WDR41: variants seen among roughly 807,000 people sequenced by gnomAD.
WDR41 encodes WD repeat domain 41.
WDR41 carries 63 observed loss-of-function variants against 69.3 expected under a neutral mutation model. The ratio of observed to expected loss-of-function variants is 0.91; its 90% CI spans 0.74 to 1.12. The LOEUF (loss-of-function observed/expected upper bound fraction) is 1.12. Among genes scored for constraint, WDR41 ranks in the 50% most tolerant of loss-of-function variants. WDR41 has a pLI of 0.00. For synonymous variants in WDR41, 185 were observed against 192.1 expected (o/e 0.96, Z 0.31); for missense variants, 543 against 534.5 (o/e 1.02, Z -0.16).
At chr5:77,585,189 A>G (rs1744015490) in intron 1 of WDR41, among the ~76,000 whole-genome samples, 1 of 152,240 alleles carries the variant, frequency 6.6e-6, no homozygotes, top group Non-Finnish European at 1.5e-5. Context: ...TCTCAAAAGA[A>G]GATATACAAA....
chr5:77,614,565 A>G (rs922455043), intron 1 of WDR41, among the ~76,000 whole-genome samples: 4 of 144,818 alleles, frequency 2.8e-5, no homozygotes, highest in African/African-American at 7.6e-5. Context: ...CAAACACCGC[A>G]TGTTCTCACT....
intron 1 of WDR41, among the ~76,000 whole-genome samples, chr5:77,596,147 T>C (rs1293355648): frequency 1.3e-5 from 2 of 152,170 alleles, no homozygotes; most frequent in Non-Finnish European, 1.5e-5. Flanking sequence ...AATCCTGATC[T>C]AAAATGTAGA....
intron 1 of WDR41, among the ~76,000 whole-genome samples, chr5:77,532,110 T>C (rs577985809): frequency 1.4e-4 from 22 of 152,210 alleles, no homozygotes; most frequent in African/African-American, 3.4e-4. Flanking sequence ...TTTTACATTA[T>C]GTAAATTTCA....
chr5:77,615,942 G>A (rs1038658286), intron 1 of WDR41, among the ~76,000 whole-genome samples: 14 of 151,804 alleles, frequency 9.2e-5, no homozygotes, highest in African/African-American at 2.7e-4. Context: ...GCAGTGAGGC[G>A]AGATCACACC....
intron 8 of WDR41, among the ~76,000 whole-genome samples, chr5:77,441,301 C>T (rs1225445407): frequency 6.6e-6 from 1 of 151,788 alleles, no homozygotes; most frequent in Non-Finnish European, 1.5e-5. Context: ...GTACCATACA[C>T]CAAAATAAGT....
chr5:77,458,110 C>T (rs1799905054), intron 5 of WDR41, among the ~76,000 whole-genome samples: 1 of 152,068 alleles, frequency 6.6e-6, no homozygotes, highest in African/African-American at 2.4e-5. Context: ...AAAGGCACAT[C>T]ATTTCAGGTC....
rs1798781655 is a variant in WDR41, at chr5:77,432,928, TTGTGGTATATTCTTTGGAGGATATAC to T, written c.*181_*206del. 2.1e-6 allele frequency: 1 copy of T among 477,914 alleles called. No individual in the cohort carries two copies. The highest frequency in any genetic ancestry group is 3.6e-6 in the Non-Finnish European group (1 of 277,798). 29.6% of individuals were successfully genotyped at this position (477,914 alleles called of 1,614,324 possible). A position where few individuals can be genotyped will look rare whatever the true frequency, so the allele number is the denominator to read the frequency against. The stretch of plus-strand genomic sequence containing the variant: ...GCAGCTCAAAGTCAAATGGAAAAAC[TTGTGGTATATTCTTTGGAGGATATAC>T]TAGGACCTGAGAAGCAACATGTTCC... On this transcript the variant is annotated 3_prime_UTR_variant, in exon 13 of 13. Transcript: ENST00000296679.
rs575195857 is a variant in WDR41 at position 77,476,980 on chromosome 5, T to G, written c.168-12171A>C. 2.7e-4 allele frequency among the ~76,000 whole-genome samples: 40 copies of G among 147,550 alleles called. 1 individual carries two copies. Among genetic ancestry groups the G allele is most frequent in the Non-Finnish European group, 4.9e-4 (33 of 67,582 alleles). On this transcript the variant is annotated intron_variant, in intron 2 of 12. Transcript: ENST00000296679. The stretch of plus-strand genomic sequence containing the variant: ...CTCAAAATAAAAAGATGGAGGAAGA[T>G]CTACCAAGCAAATGGAAAACAAAAA...
chr5:77,550,305 C>A (rs947830560), intron 1 of WDR41, among the ~76,000 whole-genome samples: 1 of 152,128 alleles, frequency 6.6e-6, no homozygotes, highest in African/African-American at 2.4e-5. Flanking sequence ...ATTTAATAGA[C>A]AACTTACAAA....
At chr5:77,515,465 C>T (rs1401622288) in intron 1 of WDR41, among the ~76,000 whole-genome samples, 1 of 152,120 alleles carries the variant, frequency 6.6e-6, no homozygotes, top group Non-Finnish European at 1.5e-5. Flanking sequence ...GAAGGATCAG[C>T]CTGAGGCTGT....
chr5:77,596,965 C>T (rs891453494), intron 1 of WDR41, among the ~76,000 whole-genome samples: 4 of 151,566 alleles, frequency 2.6e-5, no homozygotes, highest in African/African-American at 4.8e-5. Flanking sequence ...AAAAAAAATA[C>T]AGAAAATTTA....
At chr5:77,578,925 GATA>G (rs1240929064) in intron 1 of WDR41, among the ~76,000 whole-genome samples, 3 of 144,256 alleles carry the variant, frequency 2.1e-5, no homozygotes, top group African/African-American at 5.1e-5. Flanking sequence ...TCCTCAAATA[GATA>G]ATATCAATAA....
At chr5:77,433,437 G>T in intron 12 of WDR41, 150 bp from the exon 13 acceptor site, 1 of 531,672 alleles carries the variant, frequency 1.9e-6, no homozygotes, top group Non-Finnish European at 3.1e-6. Context: ...GTATTGGTAA[G>T]TCACATACAA....
At chr5:77,434,635 G>GCGGAGAGTACAGTGACCC (rs1341598622) in intron 12 of WDR41, among the ~76,000 whole-genome samples, 1 of 151,536 alleles carries the variant, frequency 6.6e-6, no homozygotes, top group East Asian at 2.0e-4. Context: ...AACCTGGGAG[G>GCGGAGAGTACAGTGACCC]CGGAGAGTAC....
intron 1 of WDR41, among the ~76,000 whole-genome samples, chr5:77,547,002 A>G (rs1743211558): frequency 1.3e-5 from 2 of 152,208 alleles, no homozygotes; most frequent in Non-Finnish European, 2.9e-5. Flanking sequence ...CATCACATAA[A>G]CAGAATTAAA....
At chr5:77,456,046 TGTGGGTAGTG>T (rs1359322897) in intron 5 of WDR41, among the ~76,000 whole-genome samples, 7 of 151,906 alleles carry the variant, frequency 4.6e-5, no homozygotes, top group Non-Finnish European at 4.4e-5. Context: ...TGTAGATCAA[TGTGGGTAGTG>T]GTGGAATCAT....
rs965178007 is a variant in WDR41 at position 77,432,421 on chromosome 5, C to T, written c.*714G>A. The stretch of plus-strand genomic sequence containing the variant: ...TGCGCTCAGCTGCAGTCCCTGACTC[C>T]GGAAACACTGTGCCTCTCAAATGAT... On this transcript the variant is annotated 3_prime_UTR_variant, in exon 13 of 13. Coordinates refer to ENST00000296679, the MANE Select transcript of WDR41 (RefSeq NM_018268.4). 15 of 152,620 alleles carry T rather than the reference C, an allele frequency of 9.8e-5. No homozygotes were observed. The highest frequency in any genetic ancestry group is 4.1e-4 in the South Asian group (2 of 4,828). The allele number at this position is 152,620 out of a possible 1,614,324, so 9.5% of individuals were successfully genotyped here.
At chr5:77,591,604 AT>A (rs982983109) in intron 1 of WDR41, among the ~76,000 whole-genome samples, 2 of 152,052 alleles carry the variant, frequency 1.3e-5, no homozygotes, top group Non-Finnish European at 2.9e-5. Flanking sequence ...TATTTTTATT[AT>A]TGCATAGCTC....
At chr5:77,600,663 CGAGGTCAGGAGTTCAA>C (rs1561236023) in intron 1 of WDR41, among the ~76,000 whole-genome samples, 1 of 151,930 alleles carries the variant, frequency 6.6e-6, no homozygotes, top group Non-Finnish European at 1.5e-5. Context: ...GGGTGGATCA[CGAGGTCAGGAGTTCAA>C]GACCAGCCTG....
Sources: gnomAD v4.1 joint callset for allele counts (sites outside exome capture counted in the v4.1 genomes callset) on GRCh38, gnomAD v4.1.1 for gene constraint, MANE v1.5 for transcripts, NCBI Gene and HGNC (gene_info 2026-07-23, HGNC 2026-07-21) for gene names.